PICALM: variants seen among roughly 807,000 people sequenced by gnomAD.
PICALM encodes the protein phosphatidylinositol binding clathrin assembly protein, also known as phosphatidylinositol-binding clathrin assembly protein.
PICALM carries 40 observed loss-of-function variants against 80.5 expected under a neutral mutation model. The observed-to-expected ratio is 0.50, with a 90% confidence interval of 0.39 to 0.65. The LOEUF (loss-of-function observed/expected upper bound fraction) is 0.65. Ranked by LOEUF, PICALM falls within the 30% of genes least tolerant of loss-of-function variation. The pLI, the probability that PICALM is intolerant of heterozygous loss-of-function variation, is 0.00. For missense variants in PICALM, 676 were observed against 778.9 expected, an observed-to-expected ratio of 0.87 and a Z score of 1.57; for synonymous variants, 288 against 260.3, an observed-to-expected ratio of 1.11 and a Z score of -1.02.
chr11:86,006,315 C>T (rs966958503), intron 8 of PICALM, among the ~76,000 whole-genome samples: 3 of 152,130 alleles, frequency 2.0e-5, no homozygotes, highest in South Asian at 2.1e-4. Flanking sequence ...CAAGTGAGTA[C>T]AGAGAAACTC....
At chr11:86,065,458 T>C (rs1329568289) in intron 1 of PICALM, among the ~76,000 whole-genome samples, 1 of 151,980 alleles carries the variant, frequency 6.6e-6, no homozygotes, top group Non-Finnish European at 1.5e-5. Context: ...AAAAAAAATT[T>C]GTTTTTTCTA....
intron 12 of PICALM, among the ~76,000 whole-genome samples, chr11:85,993,257 C>T (rs1200712418): frequency 1.3e-5 from 2 of 151,922 alleles, no homozygotes; most frequent in Non-Finnish European, 2.9e-5. Flanking sequence ...TGGCTATTTT[C>T]CGATTTTTTT....
intron 1 of PICALM, among the ~76,000 whole-genome samples, chr11:86,036,165 C>A (rs376799812): frequency 6.6e-6 from 1 of 151,884 alleles, no homozygotes. Flanking sequence ...TTTCATATAG[C>A]AAAATTGTTT....
intron 1 of PICALM, among the ~76,000 whole-genome samples, chr11:86,038,587 C>A (rs1240656124): frequency 6.6e-6 from 1 of 152,034 alleles, no homozygotes; most frequent in Non-Finnish European, 1.5e-5. Flanking sequence ...TCAAGACCAG[C>A]CTGGCCAAGA....
chr11:86,049,878 A>G (rs1781709118), intron 1 of PICALM, among the ~76,000 whole-genome samples: 1 of 151,870 alleles, frequency 6.6e-6, no homozygotes, highest in Non-Finnish European at 1.5e-5. Context: ...AGGTAAAACT[A>G]CATATTGGAC....
chr11:86,026,469 A>T, intron 2 of PICALM, 102 bp from the exon 3 acceptor site: 1 of 646,558 alleles, frequency 1.5e-6, no homozygotes, highest in South Asian at 1.8e-5. Context: ...TATTAAGCTT[A>T]TCTAGTTTAA....
chr11:85,963,826 G>A (rs1465855376), intron 19 of PICALM, among the ~76,000 whole-genome samples: 2 of 151,286 alleles, frequency 1.3e-5, no homozygotes, highest in African/African-American at 4.9e-5. Flanking sequence ...GCGCAGTCAC[G>A]GGTCACTGCA....
intron 12 of PICALM, among the ~76,000 whole-genome samples, chr11:85,992,146 T>G (rs1402439250): frequency 6.6e-6 from 1 of 151,154 alleles, no homozygotes; most frequent in Non-Finnish European, 1.5e-5. Flanking sequence ...ACAAGGACAT[T>G]GGTTTTTAGT....
At chr11:86,031,675 A>C in intron 1 of PICALM, 64 bp from the exon 2 acceptor site, 1 of 1,185,040 alleles carries the variant, frequency 8.4e-7, no homozygotes, top group Non-Finnish European at 1.2e-6. Context: ...TTAATACCAG[A>C]TCTGCATACA....
At chr11:86,024,377 T>C (rs991641625) in intron 3 of PICALM, among the ~76,000 whole-genome samples, 5 of 150,424 alleles carry the variant, frequency 3.3e-5, no homozygotes, top group African/African-American at 1.2e-4. Context: ...AAACAAGTAT[T>C]GGACTGAACA....
At chr11:86,009,126 G>A (rs192679798) in intron 7 of PICALM, among the ~76,000 whole-genome samples, 36 of 150,530 alleles carry the variant, frequency 2.4e-4, no homozygotes, top group African/African-American at 8.8e-4. Flanking sequence ...CCAACATGGT[G>A]AAACCTCATC....
intron 1 of PICALM, 105 bp from the exon 2 acceptor site, chr11:86,031,716 C>G (rs2095754633): frequency 2.6e-6 from 2 of 768,618 alleles, no homozygotes; most frequent in South Asian, 3.8e-5. Flanking sequence ...CAAAGTGGAG[C>G]AGTAATAGTT....
chr11:85,988,192 GACAT>G (rs1248655667), intron 13 of PICALM, among the ~76,000 whole-genome samples: 1 of 152,148 alleles, frequency 6.6e-6, no homozygotes, highest in Non-Finnish European at 1.5e-5. Context: ...TATGTGGAAA[GACAT>G]AGATAATACA....
intron 10 of PICALM, 88 bp downstream of exon 10, chr11:86,000,947 T>C: frequency 6.5e-7 from 1 of 1,529,976 alleles, no homozygotes; most frequent in Non-Finnish European, 8.9e-7. Flanking sequence ...TAGCTATACA[T>C]TTAAGACTCT....
chr11:86,011,480 T>C (rs552364968), intron 6 of PICALM, among the ~76,000 whole-genome samples: 1 of 152,356 alleles, frequency 6.6e-6, no homozygotes, highest in African/African-American at 2.4e-5. Context: ...TAATAGTATA[T>C]TATCTAAGAT....
chr11:86,058,018 T>A (rs1032592325), intron 1 of PICALM, among the ~76,000 whole-genome samples: 1 of 152,206 alleles, frequency 6.6e-6, no homozygotes, highest in African/African-American at 2.4e-5. Context: ...AATTATTCAA[T>A]ACAGTGCATG....
chr11:86,016,771 C>T (rs975984463), intron 4 of PICALM, among the ~76,000 whole-genome samples: 7 of 152,184 alleles, frequency 4.6e-5, no homozygotes, highest in Admixed American at 4.6e-4. Context: ...AAATCCTCTC[C>T]TAAGTATCTT....
In PICALM at chr11:85,981,171, T is replaced by C; in HGVS notation, c.1737A>G (p.Gln579=). ...EKKLTGGSNW[Q]PKVAPTTAWN... The stretch of plus-strand genomic sequence containing the variant: ...AAGCGGTTGTTGGTGCAACCTTTGG[T>C]TGCCAGTTAGATCCCCCAGTTAACT... Residue 579 remains glutamine (Q), a synonymous_variant, in exon 17 of 20, where the codon CAA becomes CAG. Transcript: ENST00000393346. The C allele has an allele frequency of 1.2e-6, 2 of 1,610,440 alleles. No homozygotes were observed. Among genetic ancestry groups the C allele is most frequent in the Non-Finnish European group, 1.7e-6 (2 of 1,176,614 alleles).
intron 1 of PICALM, among the ~76,000 whole-genome samples, chr11:86,051,251 G>A (rs1325933692): frequency 6.6e-6 from 1 of 152,196 alleles, no homozygotes; most frequent in Non-Finnish European, 1.5e-5. Flanking sequence ...GAATAACAGA[G>A]TAAGAAGGTA....
Sources: allele counts gnomAD v4.1 joint callset (sites outside exome capture counted in the v4.1 genomes callset), GRCh38; gene constraint gnomAD v4.1.1; transcripts MANE v1.5; gene names NCBI Gene and HGNC (gene_info 2026-07-23, HGNC 2026-07-21).